Variants in TMEM184C observed in about 807,000 individuals in gnomAD.
TMEM184C encodes transmembrane protein 184C, also known as transmembrane protein 34.
A neutral mutation model predicts 54.5 loss-of-function variants in TMEM184C; 25 were observed. That is an observed-to-expected ratio of 0.46 (90% CI 0.33 to 0.64). TMEM184C has a LOEUF of 0.64. Among genes scored for constraint, TMEM184C ranks in the 30% least tolerant of loss-of-function variants. The probability of loss-of-function intolerance (pLI) is 0.02; values close to 1 mark genes in which losing one functional copy is unlikely to be tolerated. For missense variants in TMEM184C, 335 were observed against 520.3 expected (o/e 0.64, Z 3.46); for synonymous variants, 148 against 181.5 (o/e 0.82, Z 1.49).
intron 1 of TMEM184C, among the ~76,000 whole-genome samples, chr4:147,618,515 G>A (rs1732642700): frequency 6.6e-6 from 1 of 152,098 alleles, no homozygotes; most frequent in African/African-American, 2.4e-5. Context: ...TTTTACTGTG[G>A]AAATTAGCTC....
At chr4:147,622,988 C>G (rs1732739918) in intron 1 of TMEM184C, among the ~76,000 whole-genome samples, 1 of 152,086 alleles carries the variant, frequency 6.6e-6, no homozygotes, top group East Asian at 1.9e-4. Flanking sequence ...GGATGGAACC[C>G]CTGGGCTCAA....
chr4:147,631,312 C>A, intron 6 of TMEM184C, 81 bp from the exon 7 acceptor site: 1 of 1,037,032 alleles, frequency 9.6e-7, no homozygotes, highest in Non-Finnish European at 1.4e-6. Flanking sequence ...TTACTCTGTA[C>A]CAGGTCTCTG....
At chr4:147,623,339 G>T (rs1346446342) in intron 1 of TMEM184C, among the ~76,000 whole-genome samples, 1 of 151,712 alleles carries the variant, frequency 6.6e-6, no homozygotes, top group African/African-American at 2.4e-5. Flanking sequence ...GGAGGCTGAG[G>T]CAGGAGAATC....
At chr4:147,633,321 G>A (rs1302876544) in intron 8 of TMEM184C, among the ~76,000 whole-genome samples, 1 of 151,630 alleles carries the variant, frequency 6.6e-6, no homozygotes, top group Non-Finnish European at 1.5e-5. Context: ...GGCTGGCCTG[G>A]TGCAGTGACT....
chr4:147,628,634 C>T (rs1413917428), intron 5 of TMEM184C, among the ~76,000 whole-genome samples, 199 bp downstream of exon 5: 1 of 152,028 alleles, frequency 6.6e-6, no homozygotes, highest in Non-Finnish European at 1.5e-5. Flanking sequence ...CCACAGGGGT[C>T]TCCTAAATAT....
In TMEM184C at chr4:147,631,515, A is replaced by C; in HGVS notation, c.779+10A>C. 1 of 1,590,102 alleles carries C rather than the reference A, an allele frequency of 6.3e-7. No homozygotes were observed. Among genetic ancestry groups the C allele is most frequent in the Non-Finnish European group, 8.6e-7 (1 of 1,168,032 alleles). On this transcript the variant is annotated intron_variant, in intron 7 of 9. Coordinates refer to ENST00000296582, the MANE Select transcript of TMEM184C (RefSeq NM_018241.3). ...TTTTTGTTTCTTTTTGGTAAGTGTT[A>C]CTTTTTTTTAAATGTTCTCATTTTT...
rs1175401607 is a variant in TMEM184C, at chr4:147,636,106, A to G, written c.*1672A>G. On this transcript the variant is annotated 3_prime_UTR_variant, in exon 10 of 10. Coordinates refer to ENST00000296582, the MANE Select transcript of TMEM184C (RefSeq NM_018241.3). ...ATCCTATCAAAATTCCAATGGCATTATTTACACAAACAGAAAAAAATCCTA... is the reference window on the plus strand; with the variant it reads ...ATCCTATCAAAATTCCAATGGCATTGTTTACACAAACAGAAAAAAATCCTA... 9 of 152,148 alleles carry G rather than the reference A, an allele frequency of 5.9e-5. No individual in the cohort carries two copies. The highest frequency in any genetic ancestry group is 5.9e-4 in the Admixed American group (9 of 15,276). 9.4% of individuals were successfully genotyped at this position (152,148 alleles called of 1,614,324 possible). A position where few individuals can be genotyped will look rare whatever the true frequency, so the allele number is the denominator to read the frequency against.
intron 6 of TMEM184C, 45 bp from the exon 7 acceptor site, chr4:147,631,348 C>A (rs1016843391): frequency 2.2e-6 from 3 of 1,388,352 alleles, no homozygotes; most frequent in Non-Finnish European, 3.0e-6. Context: ...ATTTCTATTA[C>A]CATATCTATT....
At chr4:147,629,276 C>T (rs1187139163) in intron 5 of TMEM184C, among the ~76,000 whole-genome samples, 2 of 151,862 alleles carry the variant, frequency 1.3e-5, no homozygotes, top group Non-Finnish European at 2.9e-5. Flanking sequence ...AATTAGACAG[C>T]ATAGTTGTTT....
At position 147,623,869 on chromosome 4, in the gene TMEM184C, A is replaced by T. The variant is rs776462110; in HGVS notation, c.159A>T (p.Gly53=). 1 of 1,613,956 alleles carries T rather than the reference A, an allele frequency of 6.2e-7. No individual in the cohort carries two copies. The highest frequency in any genetic ancestry group is 1.7e-5 in the Admixed American group (1 of 59,994). The change falls in exon 2 of 10, where the codon GGA becomes GGT. Residue 53 remains glycine (G), a synonymous_variant. Coordinates refer to ENST00000296582, the MANE Select transcript of TMEM184C (RefSeq NM_018241.3). ...ACACCAAGGCTTGGTTTATTGCTGG[A>T]ATCTTTTTGCTGTTGACTATTCCTA... is the stretch of plus-strand genomic sequence containing the variant. The part of the protein sequence containing the change: ...GIHTKAWFIA[G]IFLLLTIPIS...
At chr4:147,626,940 G>A (rs984156317) in intron 4 of TMEM184C, among the ~76,000 whole-genome samples, 4 of 152,194 alleles carry the variant, frequency 2.6e-5, no homozygotes, top group Admixed American at 6.5e-5. Flanking sequence ...TGTTGAGGGG[G>A]TCAGCGAATG....
At chr4:147,618,428 C>T (rs957016322) in intron 1 of TMEM184C, among the ~76,000 whole-genome samples, 3 of 152,166 alleles carry the variant, frequency 2.0e-5, no homozygotes, top group Admixed American at 2.0e-4. Context: ...ACCTTGAAAA[C>T]CATGTATTGA....
At chr4:147,628,774 T>G (rs1158980027) in intron 5 of TMEM184C, among the ~76,000 whole-genome samples, 1 of 152,164 alleles carries the variant, frequency 6.6e-6, no homozygotes, top group Non-Finnish European at 1.5e-5. Context: ...TAATTACAGT[T>G]CTATTTTCTA....
At chr4:147,631,652 C>G in intron 7 of TMEM184C, 147 bp downstream of exon 7, 1 of 640,178 alleles carries the variant, frequency 1.6e-6, no homozygotes, top group Non-Finnish European at 2.7e-6. Context: ...TTTAGCCCTT[C>G]TACAATTTTC....
intron 1 of TMEM184C, among the ~76,000 whole-genome samples, chr4:147,623,510 C>T (rs1183353433): frequency 6.6e-6 from 1 of 151,362 alleles, no homozygotes; most frequent in African/African-American, 2.4e-5. Context: ...TTGTAAACTG[C>T]TCAACCCTTC....
Position 147,617,625 on chromosome 4 carries a change from T to C in TMEM184C, c.-332T>C. 3.3e-6 allele frequency: 1 copy of C among 300,862 alleles called. No individual in the cohort carries two copies. Among genetic ancestry groups the C allele is most frequent in the South Asian group, 3.2e-5 (1 of 31,042 alleles). The allele number at this position is 300,862 out of a possible 1,614,324, so 18.6% of individuals were successfully genotyped here. A position where few individuals can be genotyped will look rare whatever the true frequency, so the allele number is the denominator to read the frequency against. ...GTCTGTGCTGCTCTCCTGGAAGCCA[T>C]GGTACAGGCAGAGCTCAGGGCGATC... is the stretch of plus-strand genomic sequence containing the variant. On this transcript the variant is annotated 5_prime_UTR_variant, in exon 1 of 10. It removes an upstream start codon present in the reference 5' UTR. Transcript: ENST00000296582.
At chr4:147,634,082 G>C in intron 9 of TMEM184C, 87 bp from the exon 10 acceptor site, 1 of 1,532,582 alleles carries the variant, frequency 6.5e-7, no homozygotes, top group Non-Finnish European at 8.8e-7. Context: ...GGGAGTGGGA[G>C]AGGGGGAAGT....
At chr4:147,623,691 T>C (rs1732758347) in intron 1 of TMEM184C, 143 bp from the exon 2 acceptor site, 2 of 654,494 alleles carry the variant, frequency 3.1e-6, no homozygotes, top group Non-Finnish European at 5.1e-6. Flanking sequence ...AGGCCCAGGC[T>C]GGTTTCAAAC....
Position 147,628,415 on chromosome 4 carries a change from T to A in TMEM184C, c.552T>A (p.Pro184=). 4 of 1,613,872 alleles carry A rather than the reference T, an allele frequency of 2.5e-6. No homozygotes were observed. Among genetic ancestry groups the A allele is most frequent in the South Asian group, 2.2e-5 (2 of 90,994 alleles). The change falls in exon 5 of 10, where the codon CCT becomes CCA. Residue 184 remains proline, a synonymous_variant. Coordinates refer to ENST00000296582, the MANE Select transcript of TMEM184C (RefSeq NM_018241.3). The part of the protein sequence containing the change: ...LGVLQYTVVR[P]FTTIVALICE... ...TATTACAGTACACAGTTGTCAGACC[T>A]TTCACCACCATCGTTGCTTTGTAAG... is the stretch of plus-strand genomic sequence containing the variant.
Sources: allele counts gnomAD v4.1 joint callset (sites outside exome capture counted in the v4.1 genomes callset), GRCh38; gene constraint gnomAD v4.1.1; transcripts MANE v1.5; gene names NCBI Gene and HGNC (gene_info 2026-07-23, HGNC 2026-07-21).